PDE6A: variants seen among roughly 807,000 people sequenced by gnomAD.
PDE6A encodes phosphodiesterase 6A, also known as rod cGMP-specific 3',5'-cyclic phosphodiesterase subunit alpha.
A neutral mutation model predicts 106.3 loss-of-function variants in PDE6A; 84 were observed. The ratio of observed to expected loss-of-function variants is 0.79; its 90% confidence interval spans 0.66 to 0.95. The LOEUF is 0.95. Among genes scored for constraint, PDE6A ranks in the 40% least tolerant of loss-of-function variants. The probability of loss-of-function intolerance (pLI) is 0.00; values close to 1 mark genes in which losing one functional copy is unlikely to be tolerated. For missense variants in PDE6A, 1,052 were observed against 1,084.9 expected (o/e 0.97, Z 0.43); for synonymous variants, 394 against 386.6 (o/e 1.02, Z -0.23).
intron 20 of PDE6A, among the ~76,000 whole-genome samples, chr5:149,865,282 C>T (rs1048076132): frequency 2.0e-5 from 3 of 149,126 alleles, no homozygotes; most frequent in African/African-American, 7.4e-5. Flanking sequence ...TGGTGGTGTG[C>T]ACCTGTGGTC....
chr5:149,886,591 A>G (rs1413734462), intron 13 of PDE6A, among the ~76,000 whole-genome samples: 1 of 152,124 alleles, frequency 6.6e-6, no homozygotes, highest in Non-Finnish European at 1.5e-5. Flanking sequence ...GTCCCAGGTA[A>G]ATGGGAACAA....
In PDE6A at chr5:149,876,596, C is replaced by T. The variant is rs114919974; in HGVS notation, c.2135+6833G>A. Among the ~76,000 whole-genome samples the T allele has an allele frequency of 3.5e-3, 537 of 152,050 alleles. 5 individuals carry two copies. Among genetic ancestry groups the T allele is most frequent in the African/African-American group, 0.012 (509 of 41,468 alleles). On this transcript the variant is annotated intron_variant, in intron 17 of 21. Transcript: ENST00000255266. ...CGGCTCACTGCAAACTCCGCCTCCC[C>T]GGTTCAAGCGGTTCTTGTGCCTCAG... is the stretch of plus-strand genomic sequence containing the variant.
At chr5:149,888,413 A>G (rs1056444938) in intron 13 of PDE6A, among the ~76,000 whole-genome samples, 4 of 150,166 alleles carry the variant, frequency 2.7e-5, no homozygotes, top group African/African-American at 9.7e-5. Context: ...TCTAATTAAT[A>G]TAAGGATATA....
chr5:149,896,181 A>T (rs1259169372), intron 12 of PDE6A, among the ~76,000 whole-genome samples, 175 bp downstream of exon 12: 2 of 152,236 alleles, frequency 1.3e-5, no homozygotes, highest in Admixed American at 1.3e-4. Flanking sequence ...GACACAGAGG[A>T]ACAGCGTGTC....
intron 20 of PDE6A, among the ~76,000 whole-genome samples, chr5:149,864,570 C>T (rs1442790792): frequency 6.6e-6 from 1 of 152,178 alleles, no homozygotes; most frequent in African/African-American, 2.4e-5. Context: ...GCTCTTTGAG[C>T]ATAGCACATT....
chr5:149,937,431 G>T (rs1023906120), intron 1 of PDE6A, among the ~76,000 whole-genome samples: 2 of 152,172 alleles, frequency 1.3e-5, no homozygotes, highest in Admixed American at 1.3e-4. Flanking sequence ...AGGCTGGAGT[G>T]CAGTGTAGCC....
At chr5:149,883,849 C>T (rs1484520259) in intron 16 of PDE6A, among the ~76,000 whole-genome samples, 1 of 152,126 alleles carries the variant, frequency 6.6e-6, no homozygotes, top group African/African-American at 2.4e-5. Context: ...GTGCCTGACA[C>T]ATAGTATATG....
chr5:149,886,004 A>T (rs1429437145), intron 14 of PDE6A, among the ~76,000 whole-genome samples: 1 of 152,236 alleles, frequency 6.6e-6, no homozygotes, highest in Non-Finnish European at 1.5e-5. Context: ...GTATCTCAAG[A>T]TCCTCGACTT....
At chr5:149,880,393 T>C (rs1344791654) in intron 17 of PDE6A, among the ~76,000 whole-genome samples, 1 of 151,938 alleles carries the variant, frequency 6.6e-6, no homozygotes, top group African/African-American at 2.4e-5. Context: ...GCTATGGAAG[T>C]CAAAAAAAGA....
rs369676672 is a variant in PDE6A at position 149,926,780 on chromosome 5, C to T, written c.858+4248G>A. 5.3e-5 allele frequency among the ~76,000 whole-genome samples: 8 copies of T among 152,150 alleles called. No homozygotes were observed. The East Asian group carries it at 1.4e-3, about 26-fold the overall frequency. ...GGATCACGAGGTCAGGAGTTCAAGG[C>T]CAGCCTGGCCAACATAGTAAAACCC... On this transcript the variant is annotated intron_variant, in intron 4 of 21. Coordinates refer to ENST00000255266, the MANE Select transcript of PDE6A (RefSeq NM_000440.3).
At chr5:149,920,922 AAGAAAGAG>A (rs1451538275) in intron 5 of PDE6A, among the ~76,000 whole-genome samples, 1 of 136,084 alleles carries the variant, frequency 7.3e-6, no homozygotes, top group Non-Finnish European at 1.6e-5. Context: ...AGAAAGAAAG[AAGAAAGAG>A]AGAAAGAGAG....
intron 8 of PDE6A, 92 bp downstream of exon 8, chr5:149,903,556 C>G (rs1219053423): frequency 1.0e-6 from 1 of 976,592 alleles, no homozygotes; most frequent in Non-Finnish European, 1.7e-6. Flanking sequence ...AGGCTGCTTC[C>G]CAGCAGAGTG....
At chr5:149,928,227 A>ATTTTTTTTT (rs1561778751) in intron 4 of PDE6A, among the ~76,000 whole-genome samples, 2 of 26,488 alleles carry the variant, frequency 7.6e-5, no homozygotes, top group Non-Finnish European at 1.4e-4. Context: ...ATATATATAT[A>ATTTTTTTTT]TATATTTTTT....
At chr5:149,900,455 G>A (rs72830276) in intron 8 of PDE6A, among the ~76,000 whole-genome samples, 31,254 of 144,084 alleles carry the variant, frequency 0.22, 3,661 homozygotes, top group South Asian at 0.34. Context: ...AACTGAGGAA[G>A]CCAAGGCACA....
In PDE6A at chr5:149,883,512, G is replaced by C; in HGVS notation, c.2052C>G (p.Ile684Met). 1.9e-6 allele frequency: 3 copies of C among 1,612,802 alleles called. No individual in the cohort carries two copies. The highest frequency in any genetic ancestry group is 2.5e-6 in the Non-Finnish European group (3 of 1,178,908). The change falls in exon 17 of 22, where the codon ATC (isoleucine) becomes ATG (methionine). Residue 684 changes from isoleucine (I) to methionine (M), a missense_variant. By Grantham distance (10) the Ile-to-Met change is conservative (BLOSUM62 1). Around this residue, in one of 3 missense-constraint regions of PDE6A, gnomAD observed 913 missense variants for 915.2 expected, o/e 1.00. Coordinates refer to ENST00000255266, the MANE Select transcript of PDE6A (RefSeq NM_000440.3). The part of the protein sequence containing the change: ...YFKKRTMFQK[I>M]VDQSKTYESE... ...TCTCATATGTCTTAGACTGATCCACGATCTTTTGGAACATCGTCCTCTTCC... is the reference window on the plus strand; with the variant it reads ...TCTCATATGTCTTAGACTGATCCACCATCTTTTGGAACATCGTCCTCTTCC...
chr5:149,900,522 T>C (rs76732689), intron 8 of PDE6A, among the ~76,000 whole-genome samples: 6,935 of 151,010 alleles, frequency 0.046, 516 homozygotes, highest in African/African-American at 0.16. Flanking sequence ...TACACTGCAG[T>C]GTGGGAAGTT....
chr5:149,887,569 C>A (rs1752359864), intron 13 of PDE6A, among the ~76,000 whole-genome samples: 1 of 152,146 alleles, frequency 6.6e-6, no homozygotes, highest in Non-Finnish European at 1.5e-5. Flanking sequence ...TTAGTCCCAA[C>A]TGCACCATTT....
chr5:149,920,957 A>AGAAAGAAAGAAAGAAAGAAG (rs1753692459), intron 5 of PDE6A, among the ~76,000 whole-genome samples: 4 of 126,254 alleles, frequency 3.2e-5, no homozygotes, highest in Admixed American at 2.4e-4. Flanking sequence ...AAAGAAAGAA[A>AGAAAGAAAGAAAGAAAGAAG]GAAAGAAAGA....
intron 4 of PDE6A, among the ~76,000 whole-genome samples, chr5:149,924,381 T>C (rs1266231740): frequency 6.6e-6 from 1 of 151,590 alleles, no homozygotes; most frequent in Non-Finnish European, 1.5e-5. Context: ...ATGGCCAGCA[T>C]TGTCTTTAGT....
Sources: allele counts gnomAD v4.1 joint callset (sites outside exome capture counted in the v4.1 genomes callset), GRCh38; gene constraint gnomAD v4.1.1; regional missense constraint gnomAD v4.1.1; transcripts MANE v1.5; gene names NCBI Gene and HGNC (gene_info 2026-07-23, HGNC 2026-07-21).